The following TRIM38 variants were observed in gnomAD, a reference collection of about 807,000 sequenced individuals.
TRIM38 encodes E3 ubiquitin-protein ligase TRIM38.
A neutral mutation model predicts 35.8 loss-of-function variants in TRIM38; 35 were observed. The observed-to-expected ratio is 0.98, with a 90% CI of 0.75 to 1.30. The LOEUF is 1.30. Ranked by LOEUF, TRIM38 falls within the 50% of genes most tolerant of loss-of-function variation. The pLI is 0.00. For missense variants in TRIM38, 545 were observed against 556.9 expected (o/e 0.98, Z 0.21); for synonymous variants, 198 against 204.7 (o/e 0.97, Z 0.28).
rs1279387146 is a variant in TRIM38, at chr6:25,985,283, T to C, written c.*1596T>C. ...CAGCCTGGACATAGCACCAGAGAAG[T>C]CTTTTTTTTTAAAAAAAAAAAAAAA... On this transcript the variant is annotated 3_prime_UTR_variant, in exon 8 of 8. Transcript: ENST00000357085. 7.3e-6 allele frequency: 1 copy of C among 136,764 alleles called. No individual in the cohort carries two copies. Among genetic ancestry groups the C allele is most frequent in the Non-Finnish European group, 1.6e-5 (1 of 64,280 alleles). The allele number at this position is 136,764 out of a possible 1,614,324, so 8.5% of individuals were successfully genotyped here. A position where few individuals can be genotyped will look rare whatever the true frequency, so the allele number is the denominator to read the frequency against.
chr6:25,962,998 ACTTT>A (rs2113567195), intron 1 of TRIM38, 47 bp from the exon 2 acceptor site: 1 of 152,666 alleles, frequency 6.6e-6, no homozygotes, highest in South Asian at 2.1e-4. Flanking sequence ...AATGGTCAGG[ACTTT>A]CTTTGTTTTA....
At chr6:25,982,690 T>A (rs58764905) in intron 7 of TRIM38, among the ~76,000 whole-genome samples, 1 of 152,228 alleles carries the variant, frequency 6.6e-6, no homozygotes, top group African/African-American at 2.4e-5. Flanking sequence ...AATTTCCACT[T>A]TATAGTTAAC....
intron 7 of TRIM38, among the ~76,000 whole-genome samples, chr6:25,981,199 T>C (rs1210018508): frequency 2.0e-5 from 3 of 152,186 alleles, no homozygotes; most frequent in East Asian, 1.9e-4. Flanking sequence ...CTCCAAATCA[T>C]AGCGTGGGAC....
rs752981947 is a variant in TRIM38 at position 25,983,608 on chromosome 6, C to T, written c.1319C>T (p.Ala440Val). ...TGCCACATCTTTACTTTCCCGAAGG[C>T]TTCCTTCTCTGATACTCTCCGGCCC... ...TGCHIFTFPK[A>V]SFSDTLRPYF... The change falls in exon 8 of 8, where the codon GCT becomes GTT. Residue 440 changes from alanine (A) to valine (V), a missense_variant. By Grantham distance (64) the Ala-to-Val change is moderately conservative (BLOSUM62 0). Coordinates refer to ENST00000357085, the MANE Select transcript of TRIM38 (RefSeq NM_006355.5). 2 of 1,613,896 alleles carry T rather than the reference C, an allele frequency of 1.2e-6. No individual in the cohort carries two copies. Among genetic ancestry groups the T allele is most frequent in the African/African-American group, 1.3e-5 (1 of 74,914 alleles).
chr6:25,973,421 C>T, intron 7 of TRIM38, 136 bp downstream of exon 7: 1 of 1,452,030 alleles, frequency 6.9e-7, no homozygotes, highest in Non-Finnish European at 9.1e-7. Context: ...TTCATACTTT[C>T]TCTAGTTAGT....
At position 25,986,574 on chromosome 6, in the gene TRIM38, AAAG is replaced by A. The variant is rs1206484212; in HGVS notation, c.*2892_*2894del. On this transcript the variant is annotated 3_prime_UTR_variant, in exon 8 of 8. Transcript: ENST00000357085. ...TAAATAATGTGGGGAACAAAAGAAA[AAAG>A]AAGATGATTTTATGGCTGATTTTTT... The A allele has an allele frequency of 6.6e-6, 1 of 152,156 alleles. No individual in the cohort carries two copies. Among genetic ancestry groups the A allele is most frequent in the Non-Finnish European group, 1.5e-5 (1 of 68,044 alleles). The allele number at this position is 152,156 out of a possible 1,614,324, so 9.4% of individuals were successfully genotyped here.
In TRIM38 at chr6:25,983,256, C is replaced by T. The variant is rs1053471328; in HGVS notation, c.967C>T (p.Gln323Ter). Residue 323 changes from glutamine to a stop codon, truncating the protein, a stop_gained, in exon 8 of 8, where the codon CAG becomes TAG. Transcript: ENST00000357085. LOFTEE classifies it low-confidence loss of function (END_TRUNC). ...GACTCGTGGATACACCCAGGAGAATCAGGACACATCTTCCAGGAGATTTAC... is the reference window on the plus strand; with the variant it reads ...GACTCGTGGATACACCCAGGAGAATTAGGACACATCTTCCAGGAGATTTAC... Reference protein sequence around the residue: ...QVTRGYTQENQDTSSRRFTAF... With the variant: ...QVTRGYTQEN 2 of 1,614,152 alleles carry T rather than the reference C, an allele frequency of 1.2e-6. No individual in the cohort carries two copies. The highest frequency in any genetic ancestry group is 1.7e-6 in the Non-Finnish European group (2 of 1,180,014).
chr6:25,984,490 G>A lies in TRIM38; in HGVS notation c.*803G>A, dbSNP rs1488876856. ...AAAAAGACCAAATTACCATACCCGA[G>A]TGAGTAATGACAGGACTACAACTAA... On this transcript the variant is annotated 3_prime_UTR_variant, in exon 8 of 8. Transcript: ENST00000357085. The A allele has an allele frequency of 7.2e-5, 11 of 152,294 alleles. No homozygotes were observed. Among genetic ancestry groups the A allele is most frequent in the Admixed American group, 7.2e-4 (11 of 15,284 alleles). 9.4% of individuals were successfully genotyped at this position (152,294 alleles called of 1,614,324 possible).
chr6:25,971,297 T>G (rs1760218464), intron 4 of TRIM38, among the ~76,000 whole-genome samples: 1 of 152,216 alleles, frequency 6.6e-6, no homozygotes, highest in South Asian at 2.1e-4. Flanking sequence ...ATAAGGAATC[T>G]GAGGCAACCT....
At chr6:25,969,177 G>T in intron 3 of TRIM38, 148 bp from the exon 4 acceptor site, 1 of 600,918 alleles carries the variant, frequency 1.7e-6, no homozygotes. Flanking sequence ...TGCACATATA[G>T]CCTTTAGCAT....
chr6:25,985,612 T>C lies in TRIM38; in HGVS notation c.*1925T>C, dbSNP rs1478336868. On this transcript the variant is annotated 3_prime_UTR_variant, in exon 8 of 8. Transcript: ENST00000357085. ...ACAGAAGGATTATCGCCAGTTGCAC[T>C]TGTTCTATATACCCGTAGTCTCGGT... The C allele has an allele frequency of 6.6e-6, 1 of 152,236 alleles. No homozygotes were observed. The highest frequency in any genetic ancestry group is 1.5e-5 in the Non-Finnish European group (1 of 68,038). The allele number at this position is 152,236 out of a possible 1,614,324, so 9.4% of individuals were successfully genotyped here. A position where few individuals can be genotyped will look rare whatever the true frequency, so the allele number is the denominator to read the frequency against.
chr6:25,983,154 T>C lies in TRIM38; in HGVS notation c.875-10T>C, dbSNP rs1266198638. 5 of 1,546,546 alleles carry C rather than the reference T, an allele frequency of 3.2e-6. No homozygotes were observed. The Admixed American group carries it at 8.5e-5, about 26-fold the overall frequency. On this transcript the variant is annotated splice_polypyrimidine_tract_variant and intron_variant, in intron 7 of 7. Coordinates refer to ENST00000357085, the MANE Select transcript of TRIM38 (RefSeq NM_006355.5). The stretch of plus-strand genomic sequence containing the variant: ...AAAATTATTTTTGTTTGTTTTGTTT[T>C]GTTTTGCAGTTAGTGTGACTCTGGA...
rs927744732 is a variant in TRIM38 at position 25,986,918 on chromosome 6, G to T, written c.*3231G>T. 1 of 152,286 alleles carries T rather than the reference G, an allele frequency of 6.6e-6. No individual in the cohort carries two copies. Among genetic ancestry groups the T allele is most frequent in the Admixed American group, 6.5e-5 (1 of 15,302 alleles). The allele number at this position is 152,286 out of a possible 1,614,324, so 9.4% of individuals were successfully genotyped here. On this transcript the variant is annotated 3_prime_UTR_variant, in exon 8 of 8. Transcript: ENST00000357085. ...TAGGGTGAAGAGCATGTGTGCAACA[G>T]CTCTCTTTTACTCTAGTGTCCTAAA...
chr6:25,970,108 G>C (rs1167606323), intron 4 of TRIM38, among the ~76,000 whole-genome samples: 1 of 151,822 alleles, frequency 6.6e-6, no homozygotes, highest in Non-Finnish European at 1.5e-5. Flanking sequence ...AGTAGAGACG[G>C]GGTTTCACCA....
In TRIM38 at chr6:25,963,810, A is replaced by G. The variant is rs1374523073; in HGVS notation, c.-189+528A>G. On this transcript the variant is annotated intron_variant, in intron 2 of 7. Coordinates refer to ENST00000357085, the MANE Select transcript of TRIM38 (RefSeq NM_006355.5). Reference sequence around the variant, plus strand: ...CTGGTTGGGTCTCTAGCAAGACGTTATTAGCCAGGGAAGTCCCACTTAGGC... The same window carrying G: ...CTGGTTGGGTCTCTAGCAAGACGTTGTTAGCCAGGGAAGTCCCACTTAGGC... Among the ~76,000 whole-genome samples the G allele has an allele frequency of 4.6e-5, 7 of 152,268 alleles. No individual in the cohort carries two copies. In the East Asian group the frequency reaches 1.2e-3, roughly 25 times the overall value.
At position 25,971,972 on chromosome 6, in the gene TRIM38, A is replaced by G; in HGVS notation, c.611A>G (p.Glu204Gly). Residue 204 changes from glutamate (E) to glycine (G), a missense_variant, in exon 5 of 8, where the codon GAA becomes GGA. By Grantham distance (98) the Glu-to-Gly change is moderately conservative (BLOSUM62 -2). Coordinates refer to ENST00000357085, the MANE Select transcript of TRIM38 (RefSeq NM_006355.5). ...EKSYLWRLEK[E>G]EQQTLSRLRD... is the part of the protein sequence containing the mutation. ...TCTTATCTCTGGAGGCTGGAGAAAG[A>G]AGAACAACAGACTCTGAGTAGACTG... 6.2e-7 allele frequency: 1 copy of G among 1,614,170 alleles called. No individual in the cohort carries two copies.
At chr6:25,980,344 A>G (rs1760509690) in intron 7 of TRIM38, among the ~76,000 whole-genome samples, 1 of 152,176 alleles carries the variant, frequency 6.6e-6, no homozygotes, top group South Asian at 2.1e-4. Flanking sequence ...ACACAATTCT[A>G]AACATGAATT....
chr6:25,987,978 G>C lies in TRIM38; in HGVS notation c.*4291G>C, dbSNP rs1012453573. On this transcript the variant is annotated 3_prime_UTR_variant, in exon 8 of 8. Transcript: ENST00000357085. ...GAGGCAGGGACTTTACTCCGGACCA[G>C]ATTGAAGACTAGCCGAAACAGGGAC... 6 of 152,150 alleles carry C rather than the reference G, an allele frequency of 3.9e-5. No homozygotes were observed. The highest frequency in any genetic ancestry group is 1.4e-4 in the African/African-American group (6 of 41,424). The allele number at this position is 152,150 out of a possible 1,614,324, so 9.4% of individuals were successfully genotyped here.
Position 25,975,313 on chromosome 6 carries a change from G to A in TRIM38, c.874+2028G>A, listed in dbSNP as rs574432282. On this transcript the variant is annotated intron_variant, in intron 7 of 7. Coordinates refer to ENST00000357085, the MANE Select transcript of TRIM38 (RefSeq NM_006355.5). Reference sequence around the variant, plus strand: ...CAGCCTCTGCCTCCTGGGTTCCAGCGCCTCAGCCTCCCGGGTAGCGTGGGA... The same window carrying A: ...CAGCCTCTGCCTCCTGGGTTCCAGCACCTCAGCCTCCCGGGTAGCGTGGGA... 21 of 204,108 alleles carry A rather than the reference G, an allele frequency of 1.0e-4. No individual in the cohort carries two copies. In the East Asian group the frequency reaches 1.9e-3, roughly 18 times the overall value. The allele number at this position is 204,108 out of a possible 1,614,324, so 12.6% of individuals were successfully genotyped here.
Sources: gnomAD v4.1 joint callset for allele counts (sites outside exome capture counted in the v4.1 genomes callset) on GRCh38, gnomAD v4.1.1 for gene constraint, MANE v1.5 for transcripts, NCBI Gene and HGNC (gene_info 2026-07-23, HGNC 2026-07-21) for gene names.